The following SLC5A1 variants were observed in gnomAD, a reference collection of about 807,000 sequenced individuals.
SLC5A1 encodes solute carrier family 5 member 1.
SLC5A1 carries 42 observed loss-of-function variants against 73.5 expected under a neutral mutation model. The observed-to-expected ratio is 0.57, with a 90% confidence interval of 0.45 to 0.74. SLC5A1 has a LOEUF of 0.74. Among genes scored for constraint, SLC5A1 ranks in the 30% least tolerant of loss-of-function variants. The pLI is 0.00. For synonymous variants in SLC5A1, 300 were observed against 317.4 expected (o/e 0.95, Z 0.58); for missense variants, 634 against 855.4 (o/e 0.74, Z 3.23).
chr22:32,066,310 T>C (rs186137026), intron 2 of SLC5A1, among the ~76,000 whole-genome samples: 2 of 152,316 alleles, frequency 1.3e-5, no homozygotes, highest in African/African-American at 4.8e-5. Context: ...GTAAAAAGTA[T>C]CAATACTGTA....
intron 14 of SLC5A1, among the ~76,000 whole-genome samples, chr22:32,109,329 C>T (rs543858898): frequency 1.4e-4 from 22 of 152,222 alleles, no homozygotes; most frequent in Middle Eastern, 3.4e-3. Flanking sequence ...TCCAGGGCCA[C>T]GCCTGGGCTC....
intron 7 of SLC5A1, among the ~76,000 whole-genome samples, chr22:32,084,165 T>C (rs1220606301): frequency 6.6e-6 from 1 of 152,248 alleles, no homozygotes; most frequent in Non-Finnish European, 1.5e-5. Flanking sequence ...AAAAGTCCCT[T>C]CCCTTTTACA....
At chr22:32,102,294 T>C in intron 13 of SLC5A1, 57 bp downstream of exon 13, 1 of 1,327,870 alleles carries the variant, frequency 7.5e-7, no homozygotes. Flanking sequence ...CAATGTTCTT[T>C]AATTTTTTTT....
chr22:32,048,262 G>A (rs1250488815), intron 1 of SLC5A1, among the ~76,000 whole-genome samples: 2 of 152,156 alleles, frequency 1.3e-5, no homozygotes, highest in Non-Finnish European at 2.9e-5. Flanking sequence ...GAAGAAGAGG[G>A]AAGATGGCCA....
chr22:32,074,193 G>A (rs1320086649), intron 5 of SLC5A1, among the ~76,000 whole-genome samples: 1 of 152,180 alleles, frequency 6.6e-6, no homozygotes, highest in Admixed American at 6.5e-5. Flanking sequence ...CATGGTAAGA[G>A]CACTCTTTGT....
Position 32,068,564 on chromosome 22 carries a change from T to A in SLC5A1, c.441T>A (p.Leu147=). 6.2e-7 allele frequency: 1 copy of A among 1,613,808 alleles called. No homozygotes were observed. The highest frequency in any genetic ancestry group is 8.5e-7 in the Non-Finnish European group (1 of 1,179,874). Residue 147 remains leucine (L), a synonymous_variant, in exon 5 of 15, where the codon CTT becomes CTA. Transcript: ENST00000266088. The part of the protein sequence containing the change: ...GGQRIQVYLS[L]LSLLLYIFTK... ...AGCGGATCCAGGTCTACCTTTCCCTTCTGTCCCTGCTGCTCTACATTTTCA... is the reference window on the plus strand; with the variant it reads ...AGCGGATCCAGGTCTACCTTTCCCTACTGTCCCTGCTGCTCTACATTTTCA...
chr22:32,088,336 CTTTTTTTT>C, intron 10 of SLC5A1, among the ~76,000 whole-genome samples: 1 of 134,738 alleles, frequency 7.4e-6, no homozygotes, highest in Non-Finnish European at 1.6e-5. Context: ...TACTGCATTC[CTTTTTTTT>C]TTTTTTTTTG....
intron 11 of SLC5A1, among the ~76,000 whole-genome samples, chr22:32,097,022 T>C (rs2094027367): frequency 6.6e-6 from 1 of 152,264 alleles, no homozygotes; most frequent in African/African-American, 2.4e-5. Context: ...AGAAAGGCAC[T>C]TACTGACTTT....
intron 12 of SLC5A1, among the ~76,000 whole-genome samples, chr22:32,100,666 T>TC (rs879441779): frequency 1.3e-5 from 2 of 152,194 alleles, no homozygotes; most frequent in Admixed American, 6.5e-5. Context: ...TTCTTCTGCC[T>TC]CAGCCTCCAA....
intron 10 of SLC5A1, among the ~76,000 whole-genome samples, chr22:32,091,318 C>T (rs1030984428): frequency 7.2e-6 from 1 of 138,220 alleles, no homozygotes; most frequent in Non-Finnish European, 1.7e-5. Flanking sequence ...CACACACACA[C>T]ACACACACAC....
intron 12 of SLC5A1, among the ~76,000 whole-genome samples, chr22:32,101,631 A>G (rs905649796): frequency 2.0e-5 from 3 of 152,200 alleles, no homozygotes; most frequent in African/African-American, 4.8e-5. Flanking sequence ...GAATATGCCT[A>G]AATCTGGAGA....
chr22:32,091,578 T>C (rs768294854), intron 10 of SLC5A1, 34 bp from the exon 11 acceptor site: 6 of 1,613,408 alleles, frequency 3.7e-6, no homozygotes, highest in Non-Finnish European at 5.1e-6. Flanking sequence ...CTGAAGGTGC[T>C]GTTATGTGCC....
chr22:32,075,547 T>C (rs1196565129), intron 5 of SLC5A1, among the ~76,000 whole-genome samples: 2 of 152,174 alleles, frequency 1.3e-5, no homozygotes. Flanking sequence ...TCTAAACCTT[T>C]TGACATTATA....
At chr22:32,068,307 G>A (rs1335668917) in intron 4 of SLC5A1, among the ~76,000 whole-genome samples, 189 bp from the exon 5 acceptor site, 1 of 152,174 alleles carries the variant, frequency 6.6e-6, no homozygotes, top group Non-Finnish European at 1.5e-5. Flanking sequence ...GGGCATATGG[G>A]ATTAAAATGA....
intron 9 of SLC5A1, among the ~76,000 whole-genome samples, chr22:32,085,401 T>C (rs934508614): frequency 1.3e-5 from 2 of 152,146 alleles, no homozygotes; most frequent in African/African-American, 2.4e-5. Flanking sequence ...GCTGGGATTA[T>C]AGGCATAAGC....
intron 2 of SLC5A1, among the ~76,000 whole-genome samples, chr22:32,051,144 G>T (rs934139515): frequency 6.6e-6 from 1 of 152,180 alleles, no homozygotes; most frequent in African/African-American, 2.4e-5. Flanking sequence ...CACCTACCAG[G>T]ACTACTGGCA....
chr22:32,093,531 GGTATATTCCTAA>G (rs539069653), intron 11 of SLC5A1, among the ~76,000 whole-genome samples: 157 of 151,832 alleles, frequency 1.0e-3, no homozygotes, highest in South Asian at 7.9e-3. Flanking sequence ...TCCTTGGTTA[GGTATATTCCTAA>G]GTCTTTTTTC....
chr22:32,082,372 TG>T (rs2094001410), intron 6 of SLC5A1, among the ~76,000 whole-genome samples: 1 of 152,118 alleles, frequency 6.6e-6, no homozygotes, highest in Non-Finnish European at 1.5e-5. Flanking sequence ...TGGGGGTTTG[TG>T]GGGACCATAT....
chr22:32,074,410 A>G (rs1458846023), intron 5 of SLC5A1, among the ~76,000 whole-genome samples: 1 of 151,920 alleles, frequency 6.6e-6, no homozygotes, highest in Non-Finnish European at 1.5e-5. Flanking sequence ...GCTTTTTCTA[A>G]ATTTGGCTTT....
Sources: allele counts gnomAD v4.1 joint callset (sites outside exome capture counted in the v4.1 genomes callset), GRCh38; gene constraint gnomAD v4.1.1; transcripts MANE v1.5; gene names NCBI Gene and HGNC (gene_info 2026-07-23, HGNC 2026-07-21).